Variants in ZNF536 observed in about 807,000 individuals in gnomAD.
ZNF536 encodes zinc finger protein 536.
Under a neutral mutation model 84.5 loss-of-function variants are expected in ZNF536, and 13 were observed. The ratio of observed to expected loss-of-function variants is 0.15; its 90% CI spans 0.10 to 0.24. The LOEUF is 0.24. Among genes scored for constraint, ZNF536 ranks in the 10% least tolerant of loss-of-function variants. The probability of loss-of-function intolerance (pLI) is 1.00; values close to 1 mark genes in which losing one functional copy is unlikely to be tolerated. For synonymous variants in ZNF536, 811 were observed against 742.5 expected (o/e 1.09, Z -1.50); for missense variants, 1,536 against 1,747.5 (o/e 0.88, Z 2.16).
At chr19:30,636,634 G>T (rs758550915) in intron 1 of ZNF536, among the ~76,000 whole-genome samples, 9 of 152,092 alleles carry the variant, frequency 5.9e-5, no homozygotes, top group Non-Finnish European at 1.0e-4. Flanking sequence ...TCTAGGCAAG[G>T]TCCCACAATA....
Position 30,402,662 on chromosome 19 carries a change from C to T in ZNF536, c.-3+30106C>T, listed in dbSNP as rs560014436. Among the ~76,000 whole-genome samples, 8 of 151,656 alleles carry T rather than the reference C, an allele frequency of 5.3e-5. No homozygotes were observed. In the East Asian group the frequency reaches 1.2e-3, roughly 22 times the overall value. On this transcript the variant is annotated intron_variant, in intron 1 of 4. Transcript: ENST00000355537. ...GTTTTAAAAGCTTGCAAACCGCGGC[C>T]GACGTGGGTTTAAAGATGCAATTCT...
intron 1 of ZNF536, among the ~76,000 whole-genome samples, chr19:30,441,447 C>T (rs538180188): frequency 8.3e-4 from 127 of 152,336 alleles, no homozygotes; most frequent in Non-Finnish European, 1.4e-3. Context: ...GTACACTGTG[C>T]CTGCTCCTCC....
chr19:30,493,294 C>T (rs937584857), intron 2 of ZNF536, among the ~76,000 whole-genome samples: 1 of 151,918 alleles, frequency 6.6e-6, no homozygotes, highest in Admixed American at 6.6e-5. Context: ...TTTTAGGGAA[C>T]GTCAAACCTT....
upstream of ZNF536, among the ~76,000 whole-genome samples, chr19:30,227,734 C>T (rs1355089429): frequency 2.0e-5 from 3 of 151,782 alleles, no homozygotes; most frequent in African/African-American, 4.8e-5. Context: ...GCGCCTTCTC[C>T]CGGCAGCCGC....
rs921760372 is a variant in ZNF536, at chr19:30,449,023, C to A, written c.2170+3291C>A. ...CAGTGAACCAGAAAATGTGTTTGTT[C>A]TTTGGCTCTCCAAACTGCTGAGAAC... On this transcript the variant is annotated intron_variant, in intron 2 of 4. Transcript: ENST00000355537. Among the ~76,000 whole-genome samples the A allele has an allele frequency of 2.0e-5, 3 of 152,184 alleles. No homozygotes were observed. The East Asian group carries it at 5.8e-4, about 29-fold the overall frequency.
intron 2 of ZNF536, among the ~76,000 whole-genome samples, chr19:30,471,110 C>T (rs2053616831): frequency 6.6e-6 from 1 of 152,034 alleles, no homozygotes; most frequent in African/African-American, 2.4e-5. Flanking sequence ...TGTACGCCAC[C>T]AGGCCTGGCT....
intron 2 of ZNF536, among the ~76,000 whole-genome samples, chr19:30,303,088 C>T (rs190497889): frequency 6.6e-5 from 10 of 152,310 alleles, no homozygotes; most frequent in African/African-American, 9.6e-5. Context: ...TAGGCACACA[C>T]GTTTTCATCT....
intron 1 of ZNF536, among the ~76,000 whole-genome samples, chr19:30,617,706 A>T (rs1222410183): frequency 6.6e-6 from 1 of 152,000 alleles, no homozygotes; most frequent in Non-Finnish European, 1.5e-5. Context: ...TTTAACCCCT[A>T]TGCCACACAA....
intron 2 of ZNF536, among the ~76,000 whole-genome samples, chr19:30,318,043 C>T (rs1007730598): frequency 3.9e-5 from 6 of 152,194 alleles, no homozygotes; most frequent in Non-Finnish European, 8.8e-5. Flanking sequence ...GCCGTCTCCA[C>T]AGTGGCACGC....
intron 2 of ZNF536, among the ~76,000 whole-genome samples, chr19:30,328,463 C>T (rs1477378115): frequency 6.6e-6 from 1 of 152,204 alleles, no homozygotes; most frequent in African/African-American, 2.4e-5. Flanking sequence ...CCTTGATCTT[C>T]ACTCAGAACT....
intron 1 of ZNF536, among the ~76,000 whole-genome samples, chr19:30,417,148 ATTTTTTTTTTTT>A (rs71173904): frequency 6.2e-4 from 62 of 100,230 alleles, no homozygotes; most frequent in Admixed American, 1.4e-3. Context: ...TAATTTTTGT[ATTTTTTTTTTTT>A]TTTTTTTTTT....
chr19:30,697,169 T>A (rs1007578171), intron 1 of ZNF536, among the ~76,000 whole-genome samples: 3 of 152,024 alleles, frequency 2.0e-5, no homozygotes, highest in Non-Finnish European at 2.9e-5. Context: ...TTTAAAACCA[T>A]CAGCACTCAT....
rs2045662595 is a variant in ZNF536, at chr19:30,548,868, G to A, written c.3249G>A (p.Gln1083=). ...DSASEKMAQG[Q]LKETLGEQKS... ...CTTCTGAGAAGATGGCCCAAGGTCA[G>A]CTCAAGGAGACTCTGGGAGAGCAGA... Residue 1083 remains glutamine, a synonymous_variant, in exon 4 of 5, where the codon CAG becomes CAA. Transcript: ENST00000355537. 1.9e-6 allele frequency: 3 copies of A among 1,614,172 alleles called. No homozygotes were observed. Among genetic ancestry groups the A allele is most frequent in the Non-Finnish European group, 2.5e-6 (3 of 1,180,040 alleles).
At chr19:30,417,011 T>A (rs1395773716) in intron 1 of ZNF536, among the ~76,000 whole-genome samples, 1 of 152,118 alleles carries the variant, frequency 6.6e-6, no homozygotes, top group Non-Finnish European at 1.5e-5. Context: ...TCTTGCTCTG[T>A]CATCCAGACT....
intron 1 of ZNF536, among the ~76,000 whole-genome samples, chr19:30,615,836 A>G (rs752824440): frequency 6.6e-6 from 1 of 151,982 alleles, no homozygotes; most frequent in Non-Finnish European, 1.5e-5. Flanking sequence ...CTAAATTCAT[A>G]TTGAGGTTTA....
At chr19:30,333,445 G>A (rs1424433594) in intron 2 of ZNF536, among the ~76,000 whole-genome samples, 1 of 152,194 alleles carries the variant, frequency 6.6e-6, no homozygotes, top group African/African-American at 2.4e-5. Context: ...ACATTCAGGT[G>A]GGTTGTGGTT....
Position 30,302,122 on chromosome 19 carries a change from G to A in ZNF536, c.-120+17981G>A, listed in dbSNP as rs2046205774. Among the ~76,000 whole-genome samples, 2 of 152,320 alleles carry A rather than the reference G, an allele frequency of 1.3e-5. 1 individual carries two copies. Among genetic ancestry groups the A allele is most frequent in the South Asian group, 4.1e-4 (2 of 4,824 alleles). On this transcript the variant is annotated intron_variant, in intron 2 of 5. Transcript: ENST00000585628. Reference sequence around the variant, plus strand: ...TCCCAGCACTATTAAGAAGGTTTGGGGGTAAGGCAGAGAAAGTCGTTCTAA... The same window carrying A: ...TCCCAGCACTATTAAGAAGGTTTGGAGGTAAGGCAGAGAAAGTCGTTCTAA...
intron 1 of ZNF536, among the ~76,000 whole-genome samples, chr19:30,707,798 T>A (rs1182223184): frequency 6.6e-6 from 1 of 151,830 alleles, no homozygotes; most frequent in Non-Finnish European, 1.5e-5. Flanking sequence ...TCACCTGAGG[T>A]CAGGAGTTTG....
intron 2 of ZNF536, among the ~76,000 whole-genome samples, chr19:30,326,945 A>C (rs2047060012): frequency 6.6e-6 from 1 of 151,606 alleles, no homozygotes; most frequent in African/African-American, 2.4e-5. Context: ...CCATCTCTAC[A>C]AAAAATTAAA....
Sources: allele counts gnomAD v4.1 joint callset (sites outside exome capture counted in the v4.1 genomes callset), GRCh38; gene constraint gnomAD v4.1.1; transcripts MANE v1.5; gene names NCBI Gene and HGNC (gene_info 2026-07-23, HGNC 2026-07-21).